Variants in PCDH11X observed in about 807,000 individuals in gnomAD.
PCDH11X encodes the protein protocadherin-11 X-linked.
A neutral mutation model predicts 53.3 loss-of-function variants in PCDH11X; 18 were observed. The ratio of observed to expected loss-of-function variants is 0.34; its 90% CI spans 0.23 to 0.50. The LOEUF (loss-of-function observed/expected upper bound fraction) is 0.50, where lower values mean the gene tolerates loss of function less well. Ranked by LOEUF, PCDH11X falls within the 20% of genes least tolerant of loss-of-function variation. PCDH11X has a pLI of 0.98. For missense variants in PCDH11X, 570 were observed against 1,032.4 expected, an observed-to-expected ratio of 0.55 and a Z score of 6.14; for synonymous variants, 279 against 393.3, an observed-to-expected ratio of 0.71 and a Z score of 3.44.
intron 4 of PCDH11X, among the ~76,000 whole-genome samples, chrX:91,832,500 G>C (rs1483003617): frequency 1.2e-5 from 1 of 84,255 alleles, no homozygotes; most frequent in Non-Finnish European, 2.3e-5. Context: ...TTGTGGGGTG[G>C]GGGGAGGGGG....
chrX:92,255,481 T>C (rs2067555499), intron 7 of PCDH11X, among the ~76,000 whole-genome samples: 3 of 109,492 alleles, frequency 2.7e-5, no homozygotes, highest in Admixed American at 9.7e-5. Context: ...CCATTGCTGG[T>C]GAGGAGCTGC....
intron 6 of PCDH11X, among the ~76,000 whole-genome samples, chrX:92,096,325 C>T (rs2064132858): frequency 9.1e-6 from 1 of 110,065 alleles, no homozygotes; most frequent in Admixed American, 9.8e-5. Context: ...ATACAAGGCA[C>T]GTTGAACACA....
chrX:92,359,586 C>A (rs936081568), intron 8 of PCDH11X, among the ~76,000 whole-genome samples: 4 of 111,238 alleles, frequency 3.6e-5, no homozygotes, highest in Non-Finnish European at 7.6e-5. Context: ...TATTTTGTGA[C>A]ACAATAGATT....
At chrX:92,535,179 C>A (rs997032308) in intron 10 of PCDH11X, among the ~76,000 whole-genome samples, 1 of 111,849 alleles carries the variant, frequency 8.9e-6, no homozygotes, top group African/African-American at 3.3e-5. Context: ...TGGGTATATA[C>A]CCAAAGGAAT....
intron 8 of PCDH11X, among the ~76,000 whole-genome samples, chrX:92,378,321 GATGTCTATAGA>G (rs2070797268): frequency 9.2e-6 from 1 of 108,672 alleles, no homozygotes; most frequent in South Asian, 3.9e-4. Flanking sequence ...GGCAAAAGGA[GATGTCTATAGA>G]ATAAAAATTG....
At chrX:91,946,476 C>T (rs2061572652) in intron 6 of PCDH11X, among the ~76,000 whole-genome samples, 1 of 94,262 alleles carries the variant, frequency 1.1e-5, no homozygotes, top group Non-Finnish European at 2.1e-5. Context: ...TGTAAATGAC[C>T]ATAAAAAATA....
At chrX:92,492,509 C>T (rs1330393964) in intron 10 of PCDH11X, among the ~76,000 whole-genome samples, 1 of 112,021 alleles carries the variant, frequency 8.9e-6, no homozygotes, top group African/African-American at 3.2e-5. Context: ...TTCTCTCTCA[C>T]AATTTTTCAT....
chrX:92,298,867 G>A (rs192555388), intron 8 of PCDH11X, among the ~76,000 whole-genome samples: 6 of 111,642 alleles, frequency 5.4e-5, no homozygotes, highest in South Asian at 7.5e-4. Context: ...CAAAATTACA[G>A]TCTTTCAGAG....
rs1389295498 is a variant in PCDH11X, at chrX:92,159,133, AAAG to A, written c.3034-42239_3034-42237del. ...TCTTCTAATATAAATATTAAAAAGT[AAAG>A]AAACTTTAGCAGGAATATAAGCTAA... On this transcript the variant is annotated intron_variant, in intron 6 of 10. Transcript: ENST00000682573. 5.4e-5 allele frequency among the ~76,000 whole-genome samples: 6 copies of A among 112,009 alleles called. No homozygotes were observed. In the South Asian group the frequency reaches 1.1e-3, roughly 21 times the overall value.
intron 6 of PCDH11X, among the ~76,000 whole-genome samples, chrX:92,067,795 C>A (rs1308531231): frequency 9.0e-6 from 1 of 111,311 alleles, no homozygotes; most frequent in Non-Finnish European, 1.9e-5. Context: ...AGGTTTCAGG[C>A]TTTTCTTTCC....
intron 6 of PCDH11X, among the ~76,000 whole-genome samples, chrX:92,072,794 C>G (rs1304227569): frequency 9.0e-6 from 1 of 111,536 alleles, no homozygotes; most frequent in Non-Finnish European, 1.9e-5. Context: ...CATAGCCTCA[C>G]CAGCTAGTGT....
At chrX:92,554,377 C>T (rs1340351799) in intron 10 of PCDH11X, among the ~76,000 whole-genome samples, 14 of 102,731 alleles carry the variant, frequency 1.4e-4, no homozygotes, top group Non-Finnish European at 2.2e-4. Flanking sequence ...TATTCCAGGC[C>T]CTAAAGAATT....
At position 92,287,399 on chromosome X, in the gene PCDH11X, C is replaced by T. The variant is rs767567055; in HGVS notation, c.3144+24256C>T. On this transcript the variant is annotated intron_variant, in intron 8 of 10. Transcript: ENST00000682573. ...TCCTGCCTCTGTGTCCAAGTGTTCT[C>T]ATTGCTCAACTCCCACTTGTGAGTG... is the stretch of plus-strand genomic sequence containing the variant. Among the ~76,000 whole-genome samples, 34 of 111,394 alleles carry T rather than the reference C, an allele frequency of 3.1e-4. 1 individual carries two copies. In the East Asian group the frequency reaches 9.4e-3, roughly 31 times the overall value.
chrX:92,009,700 C>CTTTTTTTTTTTTTT (rs68159170), intron 6 of PCDH11X, among the ~76,000 whole-genome samples: 6 of 66,640 alleles, frequency 9.0e-5, no homozygotes, highest in South Asian at 1.0e-3. Context: ...TGACTGTTGC[C>CTTTTTTTTTTTTTT]TTTTTTTTTT....
At chrX:92,435,071 G>A (rs1282798914) in intron 9 of PCDH11X, among the ~76,000 whole-genome samples, 2 of 110,683 alleles carry the variant, frequency 1.8e-5, no homozygotes, top group African/African-American at 6.6e-5. Flanking sequence ...CTGAGATTCA[G>A]GAGAATGGCA....
In PCDH11X at chrX:92,422,866, T is replaced by A. The variant is rs530303235; in HGVS notation, c.3343+34933T>A. 8.3e-5 allele frequency among the ~76,000 whole-genome samples: 9 copies of A among 108,744 alleles called. No homozygotes were observed. In the South Asian group the frequency reaches 3.6e-3, roughly 44 times the overall value. 94.4% of individuals were successfully genotyped at this position (108,744 alleles called of 115,157 possible). On this transcript the variant is annotated intron_variant, in intron 9 of 10. Transcript: ENST00000682573. ...TTTATTTCTTTATTTCTTTATTTTT[T>A]GAGACGGAGTCTCACTCTATTGCCC...
At chrX:91,882,530 ACTGT>A (rs1479589761) in intron 6 of PCDH11X, among the ~76,000 whole-genome samples, 1 of 111,151 alleles carries the variant, frequency 9.0e-6, no homozygotes, top group Non-Finnish European at 1.9e-5. Context: ...TCTTCCAGTC[ACTGT>A]CTAAGACAAG....
intron 10 of PCDH11X, among the ~76,000 whole-genome samples, chrX:92,513,160 G>C (rs1887440655): frequency 9.0e-6 from 1 of 110,826 alleles, no homozygotes; most frequent in Non-Finnish European, 1.9e-5. Context: ...CCGAACAAAA[G>C]TGGTAACTCA....
At chrX:92,373,956 A>G (rs990922723) in intron 8 of PCDH11X, among the ~76,000 whole-genome samples, 2 of 110,951 alleles carry the variant, frequency 1.8e-5, no homozygotes, top group African/African-American at 6.5e-5. Flanking sequence ...CTAATAACCA[A>G]TTTTGCACCG....
Sources: allele counts gnomAD v4.1 joint callset (sites outside exome capture counted in the v4.1 genomes callset), GRCh38; gene constraint gnomAD v4.1.1; transcripts MANE v1.5; gene names NCBI Gene and HGNC (gene_info 2026-07-23, HGNC 2026-07-21).